The following PLEKHG1 variants were observed in gnomAD, a reference collection of about 807,000 sequenced individuals.
PLEKHG1 encodes pleckstrin homology and RhoGEF domain containing G1.
Under a neutral mutation model 100.8 loss-of-function variants are expected in PLEKHG1, and 44 were observed. The ratio of observed to expected loss-of-function variants is 0.44; its 90% CI spans 0.34 to 0.56. PLEKHG1 has a LOEUF of 0.56. Among genes scored for constraint, PLEKHG1 ranks in the 20% least tolerant of loss-of-function variants. The probability of loss-of-function intolerance (pLI) is 0.01; values close to 1 mark genes in which losing one functional copy is unlikely to be tolerated. For synonymous variants in PLEKHG1, 640 were observed against 662.5 expected (o/e 0.97, Z 0.52); for missense variants, 1,545 against 1,720.9 (o/e 0.90, Z 1.81).
chr6:150,633,549 TAA>T (rs1777852667), intron 1 of PLEKHG1, among the ~76,000 whole-genome samples: 1 of 152,082 alleles, frequency 6.6e-6, no homozygotes, highest in African/African-American at 2.4e-5. Flanking sequence ...CTGGGAAACA[TAA>T]GTCTGGAGGC....
intron 1 of PLEKHG1, among the ~76,000 whole-genome samples, chr6:150,622,223 T>C (rs1231876793): frequency 6.6e-6 from 1 of 152,220 alleles, no homozygotes; most frequent in Non-Finnish European, 1.5e-5. Context: ...ACATGTTATA[T>C]GGGCACTCTT....
chr6:150,714,199 T>TA (rs1781339863), intron 3 of PLEKHG1, among the ~76,000 whole-genome samples: 1 of 152,222 alleles, frequency 6.6e-6, no homozygotes, highest in African/African-American at 2.4e-5. Flanking sequence ...ATGGTGTCCT[T>TA]AGAGATGGGA....
rs553015341 is a variant in PLEKHG1 at position 150,832,839 on chromosome 6, A to C, written c.3094+634A>C. Among the ~76,000 whole-genome samples the C allele has an allele frequency of 5.3e-5, 8 of 150,726 alleles. No individual in the cohort carries two copies. The South Asian group carries it at 1.5e-3, about 28-fold the overall frequency. On this transcript the variant is annotated intron_variant, in intron 15 of 15. Coordinates refer to ENST00000358517, the Ensembl canonical transcript of PLEKHG1. ...ACCAGAGGCACTAACCACCATGCCC[A>C]GCTACTTTTTACATTTTTTGTAGAG... is the stretch of plus-strand genomic sequence containing the variant.
At chr6:150,670,312 A>T (rs1455859321) in intron 3 of PLEKHG1, among the ~76,000 whole-genome samples, 1 of 152,208 alleles carries the variant, frequency 6.6e-6, no homozygotes, top group Non-Finnish European at 1.5e-5. Flanking sequence ...TGACTTTATA[A>T]GGAATATGTT....
At chr6:150,718,132 T>G (rs1343857360), upstream of PLEKHG1, among the ~76,000 whole-genome samples, 7 of 152,172 alleles carry the variant, frequency 4.6e-5, no homozygotes, top group African/African-American at 1.7e-4. Flanking sequence ...AAATAATCTT[T>G]TCACCCAGTG....
At chr6:150,779,957 C>T (rs1406421100) in intron 3 of PLEKHG1, among the ~76,000 whole-genome samples, 7 of 149,944 alleles carry the variant, frequency 4.7e-5, no homozygotes, top group Admixed American at 1.3e-4. Context: ...AGCGAGACTC[C>T]GTCTCAAAAA....
At chr6:150,807,760 G>A (rs940894094) in intron 7 of PLEKHG1, among the ~76,000 whole-genome samples, 1 of 152,276 alleles carries the variant, frequency 6.6e-6, no homozygotes, top group Non-Finnish European at 1.5e-5. Context: ...CCCGAGATTG[G>A]GAGTTTGAGA....
rs143400573 is a variant in PLEKHG1 at position 150,831,246 on chromosome 6, C to G, written c.2135C>G (p.Ser712Cys). 13 of 1,614,146 alleles carry G rather than the reference C, an allele frequency of 8.1e-6. No individual in the cohort carries two copies. The African/African-American group carries it at 1.2e-4, about 15-fold the overall frequency. The change falls in exon 15 of 16, where the codon TCT (serine) becomes TGT (cysteine). Residue 712 changes from serine (S) to cysteine (C), a missense_variant. By Grantham distance (112) the Ser-to-Cys change is moderately radical. Coordinates refer to ENST00000358517, the Ensembl canonical transcript of PLEKHG1. The surrounding 1 kb of genome is among the most constrained non-coding windows in gnomAD (Gnocchi z 4.1). ...AGGCAAGCTGGCCACAGTAAGGGCTCTCTTTACGCACAAACAGATGGCACC... is the reference window on the plus strand; with the variant it reads ...AGGCAAGCTGGCCACAGTAAGGGCTGTCTTTACGCACAAACAGATGGCACC...
At chr6:150,807,328 A>G (rs1787182180) in intron 7 of PLEKHG1, among the ~76,000 whole-genome samples, 1 of 152,182 alleles carries the variant, frequency 6.6e-6, no homozygotes, top group African/African-American at 2.4e-5. Flanking sequence ...TGTATTCAGA[A>G]ATGTCTGAAT....
At chr6:150,723,975 G>T (rs559435267) in intron 1 of PLEKHG1, among the ~76,000 whole-genome samples, 1 of 152,320 alleles carries the variant, frequency 6.6e-6, no homozygotes, top group East Asian at 1.9e-4. Context: ...TAACAGCCAG[G>T]GTTCCTTGGG....
At chr6:150,641,697 G>A (rs551915751) in intron 2 of PLEKHG1, among the ~76,000 whole-genome samples, 4 of 152,048 alleles carry the variant, frequency 2.6e-5, no homozygotes, top group East Asian at 1.9e-4. Context: ...AGTGTAAAAC[G>A]TTTTATTGGA....
chr6:150,832,100 A>G, exon 15 of PLEKHG1: 1 of 1,614,138 alleles, frequency 6.2e-7, no homozygotes, highest in Non-Finnish European at 8.5e-7. Context: ...TTTAAAAGTG[A>G]AAAGTCTGGA....
Position 150,832,210 on chromosome 6 carries a change from G to A in PLEKHG1, c.3094+5G>A, listed in dbSNP as rs1776984547. 1.3e-6 allele frequency: 2 copies of A among 1,566,416 alleles called. No homozygotes were observed. Among genetic ancestry groups the A allele is most frequent in the Non-Finnish European group, 1.7e-6 (2 of 1,161,902 alleles). ...AGCAAGGAGGGCCCGCCATTGGTAT[G>A]TGCACCCTGCCCTTCTTCCTTCTCC... On this transcript the variant is annotated splice_donor_5th_base_variant and intron_variant, in intron 15 of 15. Coordinates refer to ENST00000358517, the Ensembl canonical transcript of PLEKHG1.
chr6:150,612,749 C>T (rs1404886527), intron 1 of PLEKHG1, among the ~76,000 whole-genome samples: 3 of 152,194 alleles, frequency 2.0e-5, no homozygotes, highest in African/African-American at 7.2e-5. Flanking sequence ...ATTTGTTTCT[C>T]ATACCTCAGG....
intron 2 of PLEKHG1, among the ~76,000 whole-genome samples, chr6:150,761,091 CTTTTTTTCTT>C (rs1033139592): frequency 4.0e-5 from 5 of 123,632 alleles, no homozygotes; most frequent in South Asian, 2.6e-4. Context: ...TGATTTCTTT[CTTTTTTTCTT>C]TTTTTTTTTT....
chr6:150,812,308 G>A (rs1787576052), intron 10 of PLEKHG1, among the ~76,000 whole-genome samples: 1 of 152,162 alleles, frequency 6.6e-6, no homozygotes, highest in Admixed American at 6.5e-5. Flanking sequence ...AAGGAAAGAT[G>A]AACCCTTGGG....
At chr6:150,644,332 G>GGGTTT (rs1562404967) in intron 2 of PLEKHG1, among the ~76,000 whole-genome samples, 2 of 96,564 alleles carry the variant, frequency 2.1e-5, no homozygotes, top group African/African-American at 8.8e-5. Flanking sequence ...TTTTCTTTTC[G>GGGTTT]TGTTTTTTTT....
rs148261687 is a variant in PLEKHG1 at position 150,818,406 on chromosome 6, A to G, written c.1312+190A>G. ...GACTTGTTTCTACATTGGTTCTCCC[A>G]GGTTTATCTGAGTCCCTTGATGGCT... On this transcript the variant is annotated intron_variant, in intron 11 of 15. Coordinates refer to ENST00000358517, the Ensembl canonical transcript of PLEKHG1. 3.1e-3 allele frequency among the ~76,000 whole-genome samples: 469 copies of G among 152,320 alleles called. 1 individual carries two copies. The highest frequency in any genetic ancestry group is 4.7e-3 in the Non-Finnish European group (323 of 68,022).
At chr6:150,839,920 G>A (rs1260198500) in exon 16 of PLEKHG1, 1 of 1,613,982 alleles carries the variant, frequency 6.2e-7, no homozygotes, top group Admixed American at 1.7e-5. Context: ...GGCTGGGCCA[G>A]CCCTCAAGAA....
Sources: allele counts gnomAD v4.1 joint callset (sites outside exome capture counted in the v4.1 genomes callset), GRCh38; gene constraint gnomAD v4.1.1; non-coding constraint Gnocchi (gnomAD v3.1); transcripts MANE v1.5; gene names NCBI Gene and HGNC (gene_info 2026-07-23, HGNC 2026-07-21).